Variants in ACSM1 observed in about 807,000 individuals in gnomAD.
ACSM1 encodes acyl-coenzyme A synthetase ACSM1, mitochondrial.
A neutral mutation model predicts 75.8 loss-of-function variants in ACSM1; 79 were observed. The observed-to-expected ratio is 1.04, with a 90% CI of 0.87 to 1.26. The LOEUF (loss-of-function observed/expected upper bound fraction) is 1.26. ACSM1 is among the 50% of genes most tolerant of loss of function. The probability of loss-of-function intolerance (pLI) is 0.00; values close to 1 mark genes in which losing one functional copy is unlikely to be tolerated. For synonymous variants in ACSM1, 279 were observed against 265.8 expected (o/e 1.05, Z -0.48); for missense variants, 676 against 720.1 (o/e 0.94, Z 0.70).
chr16:20,662,004 C>T, intron 6 of ACSM1, 131 bp from the exon 7 acceptor site: 1 of 526,856 alleles, frequency 1.9e-6, no homozygotes, highest in East Asian at 3.0e-5. Flanking sequence ...TTTAAATACA[C>T]ACATACTGAG....
intron 10 of ACSM1, among the ~76,000 whole-genome samples, chr16:20,630,002 A>G (rs963448463): frequency 6.6e-6 from 1 of 152,052 alleles, no homozygotes; most frequent in African/African-American, 2.4e-5. Context: ...AAAAAAAAAA[A>G]AAAAAGACAC....
chr16:20,632,963 C>CA (rs2017436359), intron 10 of ACSM1, among the ~76,000 whole-genome samples: 1 of 152,200 alleles, frequency 6.6e-6, no homozygotes, highest in East Asian at 1.9e-4. Flanking sequence ...AAGCACTTGA[C>CA]AAAACTCAAT....
intron 4 of ACSM1, among the ~76,000 whole-genome samples, chr16:20,672,471 A>AAAAAAAAAAAAAAAAAAAAAAAT (rs1555473775): frequency 1.5e-5 from 1 of 64,562 alleles, no homozygotes; most frequent in African/African-American, 6.1e-5. Flanking sequence ...AAAAAAAAAA[A>AAAAAAAAAAAAAAAAAAAAAAAT]ATATATATAT....
At chr16:20,638,659 G>A (rs2017875741) in intron 8 of ACSM1, among the ~76,000 whole-genome samples, 1 of 152,196 alleles carries the variant, frequency 6.6e-6, no homozygotes, top group Non-Finnish European at 1.5e-5. Flanking sequence ...TGGGGGAGCT[G>A]AGGTGAGAAA....
chr16:20,629,537 A>G (rs2017206606), intron 10 of ACSM1, among the ~76,000 whole-genome samples: 1 of 152,248 alleles, frequency 6.6e-6, no homozygotes, highest in Non-Finnish European at 1.5e-5. Flanking sequence ...ATATTAAGCC[A>G]CACAGAAGAC....
At chr16:20,696,650 A>G (rs2079691526) in intron 1 of ACSM1, among the ~76,000 whole-genome samples, 1 of 152,230 alleles carries the variant, frequency 6.6e-6, no homozygotes, top group South Asian at 2.1e-4. Context: ...ATTTTAAAGA[A>G]CAATTTTCTG....
chr16:20,682,643 C>T (rs1387528047), intron 3 of ACSM1, among the ~76,000 whole-genome samples, 180 bp from the exon 4 acceptor site: 1 of 152,202 alleles, frequency 6.6e-6, no homozygotes, highest in African/African-American at 2.4e-5. Context: ...CCTACAGAAT[C>T]AGAATCTGCA....
At chr16:20,652,752 C>G (rs996282637) in intron 7 of ACSM1, among the ~76,000 whole-genome samples, 15 of 152,044 alleles carry the variant, frequency 9.9e-5, no homozygotes, top group South Asian at 2.1e-4. Context: ...GAAATTGAGG[C>G]AATAAATAAT....
chr16:20,670,036 T>C, intron 5 of ACSM1, 50 bp from the exon 6 acceptor site: 2 of 1,590,624 alleles, frequency 1.3e-6, no homozygotes, highest in Non-Finnish European at 1.7e-6. Context: ...GCTGATGTGA[T>C]GAAGGGCTGT....
chr16:20,667,631 C>T (rs550170364), intron 6 of ACSM1, among the ~76,000 whole-genome samples: 2 of 152,268 alleles, frequency 1.3e-5, no homozygotes, highest in Non-Finnish European at 2.9e-5. Flanking sequence ...CCGTTTGACC[C>T]AGCAATCCCA....
intron 6 of ACSM1, among the ~76,000 whole-genome samples, chr16:20,668,381 A>G (rs987417274): frequency 6.6e-6 from 1 of 152,188 alleles, no homozygotes; most frequent in Non-Finnish European, 1.5e-5. Context: ...AGAATTAGGC[A>G]TGAGGATGGG....
intron 2 of ACSM1, among the ~76,000 whole-genome samples, chr16:20,687,231 T>C (rs956965173): frequency 6.6e-6 from 1 of 151,956 alleles, no homozygotes. Flanking sequence ...CAGTGGTGGG[T>C]AACAGGCTGT....
chr16:20,690,130 A>G (rs576514388), intron 2 of ACSM1, among the ~76,000 whole-genome samples: 1 of 152,356 alleles, frequency 6.6e-6, no homozygotes, highest in East Asian at 1.9e-4. Flanking sequence ...GGAAGATGCC[A>G]TAAAGGCATG....
chr16:20,666,028 C>T (rs957492369), intron 6 of ACSM1, among the ~76,000 whole-genome samples: 12 of 152,152 alleles, frequency 7.9e-5, no homozygotes, highest in African/African-American at 1.9e-4. Flanking sequence ...CAGCATCACA[C>T]TGACCAGGCA....
chr16:20,675,626 T>C (rs1243014580), intron 4 of ACSM1, among the ~76,000 whole-genome samples: 1 of 152,222 alleles, frequency 6.6e-6, no homozygotes, highest in Non-Finnish European at 1.5e-5. Context: ...TGAAACTGGA[T>C]GTTCAAAAGT....
At chr16:20,684,590 A>G (rs550944367) in intron 3 of ACSM1, among the ~76,000 whole-genome samples, 1 of 152,320 alleles carries the variant, frequency 6.6e-6, no homozygotes, top group South Asian at 2.1e-4. Context: ...CTACAATACA[A>G]CTTGCATTCT....
At chr16:20,641,405 G>T in intron 7 of ACSM1, among the ~76,000 whole-genome samples, 1 of 152,226 alleles carries the variant, frequency 6.6e-6, no homozygotes, top group East Asian at 1.9e-4. Context: ...GGGCTTGCAC[G>T]TCTGGTGTAA....
chr16:20,649,959 C>T (rs998290707), intron 7 of ACSM1, among the ~76,000 whole-genome samples: 5 of 152,104 alleles, frequency 3.3e-5, no homozygotes, highest in African/African-American at 1.2e-4. Flanking sequence ...GTTTGGTGCC[C>T]AAACACGTGG....
At chr16:20,660,833 A>C (rs1206373519) in intron 7 of ACSM1, among the ~76,000 whole-genome samples, 1 of 152,146 alleles carries the variant, frequency 6.6e-6, no homozygotes, top group African/African-American at 2.4e-5. Flanking sequence ...TTTAGCTTAA[A>C]ATTAATTCTC....
Sources: gnomAD v4.1 joint callset for allele counts (sites outside exome capture counted in the v4.1 genomes callset) on GRCh38, gnomAD v4.1.1 for gene constraint, MANE v1.5 for transcripts, NCBI Gene and HGNC (gene_info 2026-07-23, HGNC 2026-07-21) for gene names.